Variants in NR6A1 observed in about 807,000 individuals in gnomAD.
The protein encoded by NR6A1 is nuclear receptor subfamily 6 group A member 1, also known as retinoic acid receptor-related testis-associated receptor.
A neutral mutation model predicts 59.1 loss-of-function variants in NR6A1; 7 were observed. That is an observed-to-expected ratio of 0.12 (90% CI 0.07 to 0.22). NR6A1 has a LOEUF of 0.22. Ranked by LOEUF, NR6A1 falls within the 10% of genes least tolerant of loss-of-function variation. The pLI is 1.00. For missense variants in NR6A1, 468 were observed against 611.6 expected (o/e 0.77, Z 2.48); for synonymous variants, 243 against 236.1 (o/e 1.03, Z -0.27).
At chr9:124,604,597 C>T (rs1243901290) in intron 2 of NR6A1, among the ~76,000 whole-genome samples, 1 of 152,048 alleles carries the variant, frequency 6.6e-6, no homozygotes, top group African/African-American at 2.4e-5. Flanking sequence ...TCGTTTGAGT[C>T]CAGGAGTTCA....
At chr9:124,622,507 TTGAGA>T (rs1836106814) in intron 2 of NR6A1, among the ~76,000 whole-genome samples, 1 of 152,210 alleles carries the variant, frequency 6.6e-6, no homozygotes, top group Non-Finnish European at 1.5e-5. Flanking sequence ...TGATGCCTAG[TTGAGA>T]TAACTTTACT....
At chr9:124,533,308 T>TA (rs1344274649) in intron 7 of NR6A1, among the ~76,000 whole-genome samples, 1 of 152,172 alleles carries the variant, frequency 6.6e-6, no homozygotes, top group East Asian at 1.9e-4. Context: ...AACAATGAAT[T>TA]AGAGTCTCTG....
At chr9:124,538,445 G>T (rs1833348301) in intron 5 of NR6A1, 126 bp from the exon 6 acceptor site, 4 of 661,150 alleles carry the variant, frequency 6.1e-6, no homozygotes, top group Non-Finnish European at 1.0e-5. Flanking sequence ...CAAGCCAGGG[G>T]GCATAATTAA....
intron 2 of NR6A1, among the ~76,000 whole-genome samples, chr9:124,640,123 C>T (rs1380453426): frequency 1.3e-5 from 2 of 152,144 alleles, no homozygotes; most frequent in African/African-American, 2.4e-5. Context: ...TCCTGCAGAA[C>T]ACACTTTGAA....
chr9:124,633,395 TC>T (rs1479286803), intron 2 of NR6A1, among the ~76,000 whole-genome samples: 2 of 84,054 alleles, frequency 2.4e-5, no homozygotes, highest in Non-Finnish European at 4.1e-5. Context: ...AGAGCGAAAC[TC>T]CGTCTCAAAA....
At chr9:124,592,558 T>G (rs1588694104) in intron 2 of NR6A1, among the ~76,000 whole-genome samples, 1 of 152,312 alleles carries the variant, frequency 6.6e-6, no homozygotes, top group East Asian at 1.9e-4. Context: ...GTTAAAAATA[T>G]CCAGATGATG....
chr9:124,601,637 A>G (rs1314927559), intron 2 of NR6A1, among the ~76,000 whole-genome samples: 3 of 150,386 alleles, frequency 2.0e-5, no homozygotes, highest in African/African-American at 7.3e-5. Flanking sequence ...AAAAGACTAT[A>G]TATAGACTAT....
intron 2 of NR6A1, among the ~76,000 whole-genome samples, chr9:124,578,498 T>G (rs917769966): frequency 6.6e-6 from 1 of 152,212 alleles, no homozygotes; most frequent in Non-Finnish European, 1.5e-5. Flanking sequence ...TTACTTTCTT[T>G]TACATTTCAT....
At chr9:124,537,602 A>G (rs1833307372) in intron 6 of NR6A1, among the ~76,000 whole-genome samples, 1 of 152,202 alleles carries the variant, frequency 6.6e-6, no homozygotes, top group Admixed American at 6.5e-5. Flanking sequence ...CTCCTCAGGT[A>G]GAAGTGACTA....
intron 7 of NR6A1, among the ~76,000 whole-genome samples, chr9:124,527,699 T>C (rs1832978881): frequency 6.6e-6 from 1 of 152,146 alleles, no homozygotes. Context: ...TTCCAGTATC[T>C]AAGGTGGTGT....
intron 2 of NR6A1, among the ~76,000 whole-genome samples, chr9:124,561,573 C>A (rs769947300): frequency 5.3e-5 from 8 of 152,148 alleles, no homozygotes; most frequent in African/African-American, 1.2e-4. Context: ...AAGTGTTAGA[C>A]AAAATTGTTG....
At chr9:124,561,866 T>G (rs1834093799) in intron 2 of NR6A1, among the ~76,000 whole-genome samples, 1 of 151,944 alleles carries the variant, frequency 6.6e-6, no homozygotes. Context: ...GAGCCAAGAT[T>G]GCACCACTGC....
intron 2 of NR6A1, chr9:124,595,824 C>T: frequency 1.6e-6 from 2 of 1,289,652 alleles, no homozygotes; most frequent in Middle Eastern, 2.1e-4. Flanking sequence ...ACAGAGATTA[C>T]AGGACAAGTC....
chr9:124,554,273 T>C, intron 3 of NR6A1, 55 bp downstream of exon 3: 1 of 1,611,684 alleles, frequency 6.2e-7, no homozygotes, highest in Admixed American at 1.7e-5. Flanking sequence ...CAGCTGACAC[T>C]AAAGGTAAAG....
intron 2 of NR6A1, among the ~76,000 whole-genome samples, chr9:124,602,707 T>C (rs1014616135): frequency 1.3e-5 from 2 of 152,200 alleles, no homozygotes; most frequent in African/African-American, 4.8e-5. Flanking sequence ...AACTCAGTTC[T>C]ACGTGAGAAT....
chr9:124,686,589 A>T (rs1838338493), intron 2 of NR6A1, among the ~76,000 whole-genome samples: 3 of 152,194 alleles, frequency 2.0e-5, no homozygotes, highest in African/African-American at 4.8e-5. Context: ...TTTACCATGA[A>T]AAAAAACGAG....
chr9:124,673,249 G>A (rs1430318021), intron 2 of NR6A1, among the ~76,000 whole-genome samples: 1 of 151,244 alleles, frequency 6.6e-6, no homozygotes, highest in Non-Finnish European at 1.5e-5. Flanking sequence ...TTGAGCCCAG[G>A]AAGTTGAGGT....
chr9:124,620,022 T>A (rs570793265), intron 2 of NR6A1, among the ~76,000 whole-genome samples: 1 of 152,192 alleles, frequency 6.6e-6, no homozygotes, highest in East Asian at 1.9e-4. Context: ...GATTGCGCCA[T>A]TGCACTCCAG....
chr9:124,554,128 C>T (rs1204034624), intron 3 of NR6A1, among the ~76,000 whole-genome samples, 200 bp downstream of exon 3: 1 of 152,170 alleles, frequency 6.6e-6, no homozygotes, highest in Non-Finnish European at 1.5e-5. Flanking sequence ...CTCATTCCCA[C>T]CTTAACATCT....
Sources: allele counts gnomAD v4.1 joint callset (sites outside exome capture counted in the v4.1 genomes callset), GRCh38; gene constraint gnomAD v4.1.1; transcripts MANE v1.5; gene names NCBI Gene and HGNC (gene_info 2026-07-23, HGNC 2026-07-21).